Variants in EXT1 observed in about 807,000 individuals in gnomAD.
EXT1 encodes the protein exostosin-1.
In EXT1, 20 loss-of-function variants were observed where a neutral mutation model predicts 82.5. The ratio of observed to expected loss-of-function variants is 0.24; its 90% CI spans 0.17 to 0.35. The LOEUF (loss-of-function observed/expected upper bound fraction) is 0.35, where lower values mean the gene tolerates loss of function less well. Ranked by LOEUF, EXT1 falls within the 10% of genes least tolerant of loss-of-function variation. The probability of loss-of-function intolerance (pLI) is 1.00; values close to 1 mark genes in which losing one functional copy is unlikely to be tolerated. For missense variants in EXT1, 757 were observed against 936.5 expected (o/e 0.81, Z 2.50); for synonymous variants, 348 against 350.8 (o/e 0.99, Z 0.09).
intron 7 of EXT1, 28 bp downstream of exon 7, chr8:117,818,407 C>T: frequency 1.3e-6 from 2 of 1,597,568 alleles, no homozygotes; most frequent in Non-Finnish European, 1.7e-6. Flanking sequence ...CACAGTGGTT[C>T]CACATATAGG....
At chr8:117,938,620 C>A (rs1162400239) in intron 1 of EXT1, among the ~76,000 whole-genome samples, 2 of 152,192 alleles carry the variant, frequency 1.3e-5, no homozygotes, top group Non-Finnish European at 2.9e-5. Flanking sequence ...GAAAGTTCTC[C>A]TGGACAGCTC....
chr8:118,027,334 CACACACACA>C (rs1422260741), intron 1 of EXT1, among the ~76,000 whole-genome samples: 3 of 151,718 alleles, frequency 2.0e-5, no homozygotes, highest in Non-Finnish European at 2.9e-5. Flanking sequence ...CACACACACA[CACACACACA>C]CACACACACA....
chr8:117,923,488 C>T (rs967224913), intron 1 of EXT1, among the ~76,000 whole-genome samples: 2 of 151,360 alleles, frequency 1.3e-5, no homozygotes, highest in Admixed American at 6.6e-5. Flanking sequence ...GAGGCCAAGG[C>T]GGGCAGATCA....
chr8:117,811,700 T>G (rs960849040), intron 8 of EXT1, among the ~76,000 whole-genome samples: 4 of 151,282 alleles, frequency 2.6e-5, no homozygotes, highest in African/African-American at 9.7e-5. Flanking sequence ...CACTGTAACC[T>G]CTGCCTCTTA....
rs34394392 is a variant in EXT1, at chr8:117,948,320, CAAAAAAAAAA to C, written c.963-111129_963-111120del. ...AAGAAGTCATTCTGACTGCCCTTGC[CAAAAAAAAAA>C]AAAAAAAAAAAGGAGTAGTAACAAT... On this transcript the variant is annotated intron_variant, in intron 1 of 10. Coordinates refer to ENST00000378204, the MANE Select transcript of EXT1 (RefSeq NM_000127.3). 1.9e-3 allele frequency among the ~76,000 whole-genome samples: 98 copies of C among 51,920 alleles called. 1 individual carries two copies. The highest frequency in any genetic ancestry group is 5.0e-3 in the African/African-American group (86 of 17,340). 34.1% of individuals were successfully genotyped at this position (51,920 alleles called of 152,430 possible).
intron 3 of EXT1, among the ~76,000 whole-genome samples, chr8:117,832,025 A>C (rs942260296): frequency 3.9e-5 from 6 of 152,244 alleles, no homozygotes; most frequent in African/African-American, 1.4e-4. Flanking sequence ...CAAATCATTT[A>C]TATCATAGAA....
At chr8:117,980,201 C>T (rs1456757863) in intron 1 of EXT1, among the ~76,000 whole-genome samples, 1 of 152,138 alleles carries the variant, frequency 6.6e-6, no homozygotes, top group African/African-American at 2.4e-5. Context: ...CCCATTTTGC[C>T]TGAGTGATAA....
intron 1 of EXT1, among the ~76,000 whole-genome samples, chr8:118,045,512 C>G (rs573621760): frequency 7.9e-5 from 12 of 152,162 alleles, no homozygotes; most frequent in Non-Finnish European, 1.0e-4. Context: ...GTATTAACAA[C>G]ATAGAATGTG....
At chr8:117,971,193 C>T (rs1289746756) in intron 1 of EXT1, among the ~76,000 whole-genome samples, 1 of 152,160 alleles carries the variant, frequency 6.6e-6, no homozygotes, top group Non-Finnish European at 1.5e-5. Context: ...AGGGAGTGGA[C>T]TGCAACCACC....
At chr8:117,923,725 C>CAA (rs1194258802) in intron 1 of EXT1, among the ~76,000 whole-genome samples, 75 of 109,012 alleles carry the variant, frequency 6.9e-4, no homozygotes, top group African/African-American at 2.2e-3. Flanking sequence ...GACTCTGTCT[C>CAA]AAAAAAAAAA....
intron 1 of EXT1, among the ~76,000 whole-genome samples, chr8:117,976,731 A>G (rs1815072537): frequency 6.6e-6 from 1 of 152,240 alleles, no homozygotes; most frequent in African/African-American, 2.4e-5. Context: ...TTATACTTTA[A>G]TGAAATTTTA....
At chr8:117,818,357 G>A in intron 7 of EXT1, 78 bp downstream of exon 7, 1 of 1,111,560 alleles carries the variant, frequency 9.0e-7, no homozygotes, top group Non-Finnish European at 1.4e-6. Context: ...AAGATATCTA[G>A]GGCCAAGACC....
intron 1 of EXT1, among the ~76,000 whole-genome samples, chr8:117,931,458 C>T (rs1049681486): frequency 5.8e-5 from 6 of 103,410 alleles, no homozygotes; most frequent in South Asian, 3.4e-4. Flanking sequence ...TTGTGTGGGG[C>T]GGGGGTGTGG....
chr8:117,928,565 G>C (rs1464266815), intron 1 of EXT1, among the ~76,000 whole-genome samples: 1 of 152,122 alleles, frequency 6.6e-6, no homozygotes, highest in Non-Finnish European at 1.5e-5. Flanking sequence ...ACTAAACAGA[G>C]AATGCAAAAT....
chr8:117,983,623 A>AAG (rs1160926244), intron 1 of EXT1, among the ~76,000 whole-genome samples: 3 of 152,206 alleles, frequency 2.0e-5, no homozygotes, highest in Non-Finnish European at 2.9e-5. Context: ...ACAACAACAA[A>AAG]ATAGAGGCAA....
chr8:117,990,180 A>G (rs145678846), intron 1 of EXT1, among the ~76,000 whole-genome samples: 19 of 152,314 alleles, frequency 1.2e-4, no homozygotes, highest in African/African-American at 4.1e-4. Flanking sequence ...CTAAAAAAAA[A>G]GAGAAAAGAA....
intron 1 of EXT1, among the ~76,000 whole-genome samples, chr8:118,102,515 G>A (rs1380122695): frequency 6.6e-6 from 1 of 152,166 alleles, no homozygotes; most frequent in South Asian, 2.1e-4. Context: ...ATGGGTAGGA[G>A]TTTGTTTTGT....
At chr8:117,886,968 G>A (rs760969241) in intron 1 of EXT1, among the ~76,000 whole-genome samples, 3 of 152,182 alleles carry the variant, frequency 2.0e-5, no homozygotes, top group Non-Finnish European at 4.4e-5. Context: ...TCCCAGCTAG[G>A]TGACTTTTGG....
chr8:117,951,467 T>C (rs1317001700), intron 1 of EXT1, among the ~76,000 whole-genome samples: 2 of 152,224 alleles, frequency 1.3e-5, no homozygotes, highest in Non-Finnish European at 2.9e-5. Flanking sequence ...ACTTGATTCA[T>C]GTATTCATTC....
Sources: gnomAD v4.1 joint callset for allele counts (sites outside exome capture counted in the v4.1 genomes callset) on GRCh38, gnomAD v4.1.1 for gene constraint, MANE v1.5 for transcripts, NCBI Gene and HGNC (gene_info 2026-07-23, HGNC 2026-07-21) for gene names.